Variants in DGKB observed in about 807,000 individuals in gnomAD.
The protein encoded by DGKB is diacylglycerol kinase beta, also known as 90 kDa diacylglycerol kinase.
DGKB carries 67 observed loss-of-function variants against 114.3 expected under a neutral mutation model. The observed-to-expected ratio is 0.59, with a 90% CI of 0.48 to 0.72. DGKB has a LOEUF of 0.72. Among genes scored for constraint, DGKB ranks in the 30% least tolerant of loss-of-function variants. DGKB has a pLI of 0.00. For missense variants in DGKB, 907 were observed against 975.2 expected, an observed-to-expected ratio of 0.93 and a Z score of 0.93; for synonymous variants, 398 against 323.1, an observed-to-expected ratio of 1.23 and a Z score of -2.49.
intron 2 of DGKB, among the ~76,000 whole-genome samples, chr7:14,765,539 C>G (rs758042992): frequency 1.3e-4 from 19 of 151,772 alleles, no homozygotes; most frequent in Non-Finnish European, 2.5e-4. Flanking sequence ...ATTTTTACTC[C>G]TTCATCTATC....
Position 14,660,675 on chromosome 7 carries a change from A to C in DGKB, c.1134+12254T>G, listed in dbSNP as rs1170696865. Among the ~76,000 whole-genome samples the C allele has an allele frequency of 2.0e-5, 3 of 151,944 alleles. No individual in the cohort carries two copies. The East Asian group carries it at 5.8e-4, about 30-fold the overall frequency. On this transcript the variant is annotated intron_variant, in intron 13 of 25. Transcript: ENST00000402815. ...TGCCATCCCCATCAAGCTACCAACG[A>C]CTTTCTTCACAGAATTGGAAAAAAC...
chr7:14,567,384 TTA>T (rs1431622062), intron 20 of DGKB, among the ~76,000 whole-genome samples: 6 of 35,294 alleles, frequency 1.7e-4, no homozygotes, highest in South Asian at 8.5e-4. Flanking sequence ...TATTTATATA[TTA>T]TATATATAAT....
chr7:14,876,361 G>A (rs1334103634), intron 1 of DGKB, among the ~76,000 whole-genome samples: 1 of 152,228 alleles, frequency 6.6e-6, no homozygotes, highest in Non-Finnish European at 1.5e-5. Context: ...CTCTGCAGGA[G>A]CAGGCACAGA....
intron 2 of DGKB, among the ~76,000 whole-genome samples, chr7:14,781,258 C>T (rs1360312795): frequency 6.6e-6 from 1 of 152,192 alleles, no homozygotes; most frequent in Admixed American, 6.5e-5. Flanking sequence ...TTGTGTATTT[C>T]ACTCCTACAT....
In DGKB at chr7:14,301,520, T is replaced by A. The variant is rs556310226; in HGVS notation, c.2122+36995A>T. On this transcript the variant is annotated intron_variant, in intron 23 of 25. Coordinates refer to ENST00000402815, the MANE Select transcript of DGKB (RefSeq NM_001350709.2). ...CTTCAAATCTTACTGTTTAAATTAA[T>A]CCTCATAAGAGCAGTCAGTAATCTT... Among the ~76,000 whole-genome samples, 14 of 152,300 alleles carry A rather than the reference T, an allele frequency of 9.2e-5. No homozygotes were observed. In the South Asian group the frequency reaches 1.9e-3, roughly 20 times the overall value.
intron 21 of DGKB, among the ~76,000 whole-genome samples, chr7:14,426,469 C>T (rs1205034266): frequency 6.6e-6 from 1 of 152,006 alleles, no homozygotes; most frequent in Non-Finnish European, 1.5e-5. Context: ...CTTCATAGCA[C>T]AATAAAGTCA....
At chr7:14,747,900 C>A (rs1833587028) in intron 4 of DGKB, among the ~76,000 whole-genome samples, 1 of 152,096 alleles carries the variant, frequency 6.6e-6, no homozygotes, top group African/African-American at 2.4e-5. Context: ...AGAAGACTGA[C>A]TGAGGGAGCT....
chr7:14,149,276 A>G (rs1158552960), intron 25 of DGKB, 38 bp from the exon 26 acceptor site: 3 of 1,464,242 alleles, frequency 2.0e-6, no homozygotes, highest in Non-Finnish European at 2.8e-6. Context: ...GAAAGAATAG[A>G]GTAATCTCCA....
intron 4 of DGKB, among the ~76,000 whole-genome samples, chr7:14,742,912 GC>G (rs1246292625): frequency 6.6e-6 from 1 of 152,148 alleles, no homozygotes; most frequent in African/African-American, 2.4e-5. Flanking sequence ...ATAAGGTCAA[GC>G]TAAAGGTTTA....
intron 1 of DGKB, among the ~76,000 whole-genome samples, chr7:14,919,696 T>C (rs1462297440): frequency 1.3e-5 from 2 of 152,158 alleles, no homozygotes; most frequent in Non-Finnish European, 2.9e-5. Context: ...CTATTAAACG[T>C]GATCCCCAGT....
chr7:14,362,643 T>C (rs1815962074), intron 21 of DGKB, among the ~76,000 whole-genome samples: 1 of 109,320 alleles, frequency 9.1e-6, no homozygotes, highest in South Asian at 3.1e-4. Flanking sequence ...GTATATACAA[T>C]AAAAACCCAA....
rs143996050 is a variant in DGKB, at chr7:14,162,156, T to C, written c.2305-12918A>G. Reference sequence around the variant, plus strand: ...TCGGAGATCACAGAAAATTAATAGTTAGAAAAGGCAAGGTCAGAAGGCAAA... The same window carrying C: ...TCGGAGATCACAGAAAATTAATAGTCAGAAAAGGCAAGGTCAGAAGGCAAA... On this transcript the variant is annotated intron_variant, in intron 25 of 25. Transcript: ENST00000402815. Among the ~76,000 whole-genome samples, 6 of 152,250 alleles carry C rather than the reference T, an allele frequency of 3.9e-5. No individual in the cohort carries two copies. The East Asian group carries it at 1.2e-3, about 29-fold the overall frequency.
At chr7:14,725,015 A>T (rs1000705162) in intron 5 of DGKB, among the ~76,000 whole-genome samples, 9 of 152,082 alleles carry the variant, frequency 5.9e-5, no homozygotes, top group African/African-American at 1.9e-4. Context: ...ATAAAAAAAA[A>T]TTTTTAATTA....
At chr7:14,239,473 C>T (rs551301524) in intron 23 of DGKB, among the ~76,000 whole-genome samples, 1 of 152,034 alleles carries the variant, frequency 6.6e-6, no homozygotes, top group South Asian at 2.1e-4. Flanking sequence ...CATTTTAATA[C>T]CTAAGTTTCA....
intron 2 of DGKB, among the ~76,000 whole-genome samples, chr7:14,836,155 C>G (rs947187361): frequency 6.6e-6 from 1 of 152,162 alleles, no homozygotes; most frequent in Non-Finnish European, 1.5e-5. Flanking sequence ...AAATATTTGC[C>G]TGCAAAACCA....
At chr7:14,743,861 A>T (rs1832899910) in intron 4 of DGKB, among the ~76,000 whole-genome samples, 1 of 152,158 alleles carries the variant, frequency 6.6e-6, no homozygotes, top group African/African-American at 2.4e-5. Context: ...AAAGATGGTT[A>T]ATAATCAGCT....
intron 17 of DGKB, among the ~76,000 whole-genome samples, chr7:14,605,354 CAT>C (rs1002095080): frequency 1.2e-4 from 17 of 136,288 alleles, no homozygotes; most frequent in African/African-American, 4.8e-4. Context: ...ATATATATTT[CAT>C]ATATATATAC....
intron 13 of DGKB, among the ~76,000 whole-genome samples, chr7:14,648,184 TG>T: frequency 6.6e-6 from 1 of 152,352 alleles, no homozygotes; most frequent in Non-Finnish European, 1.5e-5. Context: ...GCTCCACCTC[TG>T]GGGGCAAGGC....
At chr7:14,866,433 C>T (rs1370430734) in intron 1 of DGKB, among the ~76,000 whole-genome samples, 1 of 152,164 alleles carries the variant, frequency 6.6e-6, no homozygotes, top group Non-Finnish European at 1.5e-5. Context: ...TTTGCAAACA[C>T]TAATCTTTTG....
Sources: allele counts gnomAD v4.1 joint callset (sites outside exome capture counted in the v4.1 genomes callset), GRCh38; gene constraint gnomAD v4.1.1; transcripts MANE v1.5; gene names NCBI Gene and HGNC (gene_info 2026-07-23, HGNC 2026-07-21).